Variants in NLGN4X observed in about 807,000 individuals in gnomAD.
NLGN4X encodes neuroligin-4, X-linked.
NLGN4X carries 3 observed loss-of-function variants against 40.3 expected under a neutral mutation model. The ratio of observed to expected loss-of-function variants is 0.07; its 90% CI spans 0.03 to 0.19. NLGN4X has a LOEUF of 0.19. Ranked by LOEUF, NLGN4X falls within the 10% of genes least tolerant of loss-of-function variation. NLGN4X has a pLI of 1.00. For synonymous variants in NLGN4X, 270 were observed against 306.8 expected, an observed-to-expected ratio of 0.88 and a Z score of 1.25; for missense variants, 382 against 708.3, an observed-to-expected ratio of 0.54 and a Z score of 5.23.
chrX:6,081,197 A>T (rs1234663329), intron 2 of NLGN4X, among the ~76,000 whole-genome samples: 1 of 111,559 alleles, frequency 9.0e-6, no homozygotes, highest in Non-Finnish European at 1.9e-5. Flanking sequence ...CTGAGGTGGG[A>T]GGATTGCTTG....
At chrX:6,192,781 C>T (rs10449056) in intron 1 of NLGN4X, among the ~76,000 whole-genome samples, 9,407 of 111,815 alleles carry the variant, frequency 0.084, 299 homozygotes, top group South Asian at 0.16. Context: ...ACTGCTCTCC[C>T]AGCCATGCAT....
chrX:6,042,683 TTTTATA>T (rs1244194637), intron 2 of NLGN4X, among the ~76,000 whole-genome samples: 1 of 29,301 alleles, frequency 3.4e-5, no homozygotes, highest in South Asian at 2.6e-3. Flanking sequence ...CCCATAGAGG[TTTTATA>T]TATATATATA....
chrX:5,972,193 TTGTG>T (rs1441417068), intron 3 of NLGN4X, among the ~76,000 whole-genome samples: 3 of 110,449 alleles, frequency 2.7e-5, no homozygotes, highest in African/African-American at 9.9e-5. Context: ...GCATGTGTGT[TTGTG>T]TGTGCATGTG....
Position 6,096,123 on chromosome X carries a change from G to C in NLGN4X, c.472+54872C>G, listed in dbSNP as rs1017255132. Reference sequence around the variant, plus strand: ...CCTTATGAAGAAGTTATGTTTCAGAGCCAAATTCCACAGGACACTGCATCC... The same window carrying C: ...CCTTATGAAGAAGTTATGTTTCAGACCCAAATTCCACAGGACACTGCATCC... On this transcript the variant is annotated intron_variant, in intron 2 of 5. Coordinates refer to ENST00000381095, the MANE Select transcript of NLGN4X (RefSeq NM_181332.3). Among the ~76,000 whole-genome samples the C allele has an allele frequency of 1.3e-4, 15 of 111,973 alleles. No individual in the cohort carries two copies. The East Asian group carries it at 4.2e-3, about 32-fold the overall frequency.
chrX:6,144,924 G>C (rs759925757), intron 2 of NLGN4X, among the ~76,000 whole-genome samples: 2 of 111,075 alleles, frequency 1.8e-5, no homozygotes, highest in South Asian at 7.8e-4. Context: ...TGGGGGGTAG[G>C]GGTGGAGGGC....
chrX:6,079,603 T>C (rs1367118686), intron 2 of NLGN4X, among the ~76,000 whole-genome samples: 4 of 112,055 alleles, frequency 3.6e-5, no homozygotes, highest in African/African-American at 1.3e-4. Context: ...TTAGTGCTCA[T>C]GACAGCTGCA....
intron 3 of NLGN4X, among the ~76,000 whole-genome samples, chrX:5,949,170 A>G: frequency 8.9e-6 from 1 of 112,032 alleles, no homozygotes; most frequent in Non-Finnish European, 1.9e-5. Flanking sequence ...TGAGGCCAGC[A>G]CAAGATGCAA....
rs944930539 is a variant in NLGN4X, at chrX:6,099,744, A to G, written c.472+51251T>C. On this transcript the variant is annotated intron_variant, in intron 2 of 5. Coordinates refer to ENST00000381095, the MANE Select transcript of NLGN4X (RefSeq NM_181332.3). ...GGAAAAATTATCAGATGACAATGTG[A>G]TGATGTCCATTTGAAGTCAATAGAC... is the stretch of plus-strand genomic sequence containing the variant. Among the ~76,000 whole-genome samples, 5 of 112,613 alleles carry G rather than the reference A, an allele frequency of 4.4e-5. No individual in the cohort carries two copies. The East Asian group carries it at 1.4e-3, about 31-fold the overall frequency.
At chrX:5,976,306 T>G (rs1446345651) in intron 3 of NLGN4X, among the ~76,000 whole-genome samples, 1 of 112,200 alleles carries the variant, frequency 8.9e-6, no homozygotes, top group East Asian at 2.8e-4. Context: ...CAAATCAGAC[T>G]AGAAGGCTGA....
At chrX:6,153,891 A>C (rs987207124) in intron 1 of NLGN4X, among the ~76,000 whole-genome samples, 2 of 112,603 alleles carry the variant, frequency 1.8e-5, no homozygotes, top group African/African-American at 6.5e-5. Context: ...CAACCTAAGA[A>C]GACGCGCCCA....
At chrX:6,109,715 G>C (rs191212990) in intron 2 of NLGN4X, among the ~76,000 whole-genome samples, 7 of 111,940 alleles carry the variant, frequency 6.3e-5, no homozygotes, top group Non-Finnish European at 1.1e-4. Flanking sequence ...GCATTTGGGT[G>C]TGCTCACTGC....
chrX:6,067,983 C>T (rs1453415638), intron 2 of NLGN4X, among the ~76,000 whole-genome samples: 1 of 111,362 alleles, frequency 9.0e-6, no homozygotes, highest in African/African-American at 3.3e-5. Context: ...TAGCATTCTG[C>T]CTTCTCTATA....
intron 1 of NLGN4X, chrX:6,227,901 C>T (rs2290487): frequency 0.14 from 15,253 of 107,678 alleles, 1,100 homozygotes; most frequent in African/African-American, 0.25. Context: ...CAGCACCCCC[C>T]CAACCCCTCA....
chrX:5,950,232 A>G (rs2146940786), intron 3 of NLGN4X, among the ~76,000 whole-genome samples: 1 of 112,252 alleles, frequency 8.9e-6, no homozygotes, highest in South Asian at 3.7e-4. Flanking sequence ...TATTGAGCAC[A>G]TAAAATGTGG....
intron 3 of NLGN4X, among the ~76,000 whole-genome samples, chrX:5,933,794 T>G (rs745463867): frequency 1.8e-5 from 2 of 111,357 alleles, no homozygotes; most frequent in Non-Finnish European, 3.8e-5. Flanking sequence ...TGGTTTAAAC[T>G]CATGAATTTA....
chrX:6,091,409 T>C (rs2038637172), intron 2 of NLGN4X, among the ~76,000 whole-genome samples: 1 of 111,330 alleles, frequency 9.0e-6, no homozygotes, highest in South Asian at 3.8e-4. Context: ...TTATGTCTCC[T>C]GTCTTACATC....
intron 3 of NLGN4X, among the ~76,000 whole-genome samples, chrX:5,947,449 TG>T (rs1365815208): frequency 8.9e-6 from 1 of 111,951 alleles, no homozygotes; most frequent in Non-Finnish European, 1.9e-5. Context: ...TCAGGAAATT[TG>T]GGGGGAAAGT....
chrX:6,224,854 C>CAA (rs66712976), intron 1 of NLGN4X, among the ~76,000 whole-genome samples: 1,485 of 100,749 alleles, frequency 0.015, 29 homozygotes, highest in African/African-American at 0.051. Flanking sequence ...ATTCTGATTT[C>CAA]AAAAAAAAAT....
At chrX:6,022,090 C>A (rs1367006785) in intron 3 of NLGN4X, among the ~76,000 whole-genome samples, 1 of 112,330 alleles carries the variant, frequency 8.9e-6, no homozygotes. Flanking sequence ...CAATGCTTAA[C>A]TTTCCTTTCT....
Sources: allele counts gnomAD v4.1 joint callset (sites outside exome capture counted in the v4.1 genomes callset), GRCh38; gene constraint gnomAD v4.1.1; transcripts MANE v1.5; gene names NCBI Gene and HGNC (gene_info 2026-07-23, HGNC 2026-07-21).